Variants in SLC25A21 observed in about 807,000 individuals in gnomAD.
The protein encoded by SLC25A21 is solute carrier family 25 member 21.
In SLC25A21, 47 loss-of-function variants were observed where a neutral mutation model predicts 43.8. The observed-to-expected ratio is 1.07, with a 90% CI of 0.85 to 1.37. The LOEUF (loss-of-function observed/expected upper bound fraction) is 1.37, where lower values mean the gene tolerates loss of function less well. Ranked by LOEUF, SLC25A21 falls within the 40% of genes most tolerant of loss-of-function variation. The pLI is 0.00. For synonymous variants in SLC25A21, 131 were observed against 121.3 expected, an observed-to-expected ratio of 1.08 and a Z score of -0.52; for missense variants, 352 against 350.2, an observed-to-expected ratio of 1.00 and a Z score of -0.04.
intron 3 of SLC25A21, among the ~76,000 whole-genome samples, chr14:36,804,222 T>C (rs1887962610): frequency 6.6e-6 from 1 of 152,186 alleles, no homozygotes; most frequent in Non-Finnish European, 1.5e-5. Flanking sequence ...TGCCATCCCT[T>C]TCCTTCTTCC....
intron 1 of SLC25A21, among the ~76,000 whole-genome samples, chr14:37,132,912 T>C (rs1963415167): frequency 6.6e-6 from 1 of 151,910 alleles, no homozygotes; most frequent in Admixed American, 6.6e-5. Flanking sequence ...TGTATTTTTT[T>C]AGAGATGGGG....
intron 2 of SLC25A21, among the ~76,000 whole-genome samples, chr14:36,814,212 A>AG (rs1888372246): frequency 6.6e-6 from 1 of 152,220 alleles, no homozygotes; most frequent in African/African-American, 2.4e-5. Flanking sequence ...TGAAATCTAT[A>AG]GAAAAAAAAT....
chr14:36,724,459 C>T (rs1048040714), intron 6 of SLC25A21, among the ~76,000 whole-genome samples: 1 of 152,288 alleles, frequency 6.6e-6, no homozygotes, highest in African/African-American at 2.4e-5. Context: ...GGAAACTTTC[C>T]TACAGAAAGA....
intron 1 of SLC25A21, among the ~76,000 whole-genome samples, chr14:36,987,491 TG>T (rs1407949049): frequency 6.6e-6 from 1 of 152,232 alleles, no homozygotes; most frequent in African/African-American, 2.4e-5. Context: ...ATTAACATTT[TG>T]GGGTGTCTAA....
intron 1 of SLC25A21, among the ~76,000 whole-genome samples, chr14:36,897,798 A>G (rs1338003266): frequency 1.3e-5 from 2 of 152,158 alleles, no homozygotes; most frequent in African/African-American, 4.8e-5. Flanking sequence ...CTGGAGGTCC[A>G]CTCCAGACAC....
At chr14:36,861,826 CA>C (rs1365946262) in intron 2 of SLC25A21, among the ~76,000 whole-genome samples, 2 of 152,044 alleles carry the variant, frequency 1.3e-5, no homozygotes, top group Non-Finnish European at 2.9e-5. Context: ...GTATTAGTTC[CA>C]AATTCTCTCT....
chr14:36,806,542 T>C (rs934599673), intron 3 of SLC25A21, among the ~76,000 whole-genome samples: 1 of 152,220 alleles, frequency 6.6e-6, no homozygotes, highest in South Asian at 2.1e-4. Flanking sequence ...GAGTATGATA[T>C]ACTAAAGTTA....
At chr14:36,843,005 A>G (rs1594633986) in intron 2 of SLC25A21, among the ~76,000 whole-genome samples, 1 of 152,260 alleles carries the variant, frequency 6.6e-6, no homozygotes, top group Middle Eastern at 3.4e-3. Flanking sequence ...GCAGCGTGCA[A>G]CCTAGATCCC....
intron 1 of SLC25A21, among the ~76,000 whole-genome samples, chr14:37,143,151 A>G (rs1038847003): frequency 8.5e-5 from 13 of 152,250 alleles, no homozygotes; most frequent in Non-Finnish European, 7.3e-5. Context: ...CTTATAATGG[A>G]AAGTTTTACA....
At chr14:36,943,538 C>G (rs1293619784) in intron 1 of SLC25A21, among the ~76,000 whole-genome samples, 10 of 152,104 alleles carry the variant, frequency 6.6e-5, no homozygotes, top group African/African-American at 2.4e-4. Context: ...GGGTTTATTT[C>G]AGAGCACACA....
chr14:36,775,091 T>C (rs1886775595), intron 3 of SLC25A21, among the ~76,000 whole-genome samples: 1 of 152,230 alleles, frequency 6.6e-6, no homozygotes. Context: ...CTTCATGAGA[T>C]GGTATTCCCT....
intron 1 of SLC25A21, among the ~76,000 whole-genome samples, chr14:37,078,919 G>A (rs757961003): frequency 1.1e-4 from 16 of 151,724 alleles, no homozygotes; most frequent in East Asian, 5.8e-4. Context: ...AACAGACTAT[G>A]GTTTGGGATT....
chr14:36,948,907 T>C (rs963522724), intron 1 of SLC25A21, among the ~76,000 whole-genome samples: 13 of 152,216 alleles, frequency 8.5e-5, no homozygotes, highest in Admixed American at 6.5e-4. Context: ...ATTCAAAAGT[T>C]TGGATTTGTC....
intron 1 of SLC25A21, among the ~76,000 whole-genome samples, chr14:36,895,868 C>A (rs1280132020): frequency 6.6e-6 from 1 of 152,310 alleles, no homozygotes; most frequent in African/African-American, 2.4e-5. Context: ...GTTTCTTAAT[C>A]CTGAGTTCTA....
At chr14:36,725,851 C>G (rs1329554836) in intron 5 of SLC25A21, among the ~76,000 whole-genome samples, 174 bp from the exon 6 acceptor site, 1 of 152,048 alleles carries the variant, frequency 6.6e-6, no homozygotes, top group African/African-American at 2.4e-5. Context: ...GCTGACAATT[C>G]ATGAAGAAGA....
At chr14:36,860,548 A>G (rs1210404466) in intron 2 of SLC25A21, among the ~76,000 whole-genome samples, 1 of 152,036 alleles carries the variant, frequency 6.6e-6, no homozygotes, top group Non-Finnish European at 1.5e-5. Context: ...TGTGTTAATT[A>G]CACTCCCCCT....
In SLC25A21 at chr14:36,760,331, AGAAGGAAGGAAGGAAGGAAGGAAG is replaced by A. The variant is rs57996006; in HGVS notation, c.204-25782_204-25759del. ...GCCATGTTGATTTAGGCAGCTAGGC[AGAAGGAAGGAAGGAAGGAAGGAAG>A]GAAGGAAGGAAGGAAGGAAGGAAGG... On this transcript the variant is annotated intron_variant, in intron 3 of 9. Transcript: ENST00000331299. Among the ~76,000 whole-genome samples the A allele has an allele frequency of 5.3e-4, 72 of 136,754 alleles. 1 individual carries two copies. In the Middle Eastern group the frequency reaches 0.011, roughly 20 times the overall value. 89.7% of individuals were successfully genotyped at this position (136,754 alleles called of 152,430 possible).
intron 3 of SLC25A21, chr14:36,788,553 C>A (rs1887334485): frequency 6.8e-6 from 1 of 146,026 alleles, no homozygotes; most frequent in Non-Finnish European, 1.5e-5. Flanking sequence ...TGTGGAAAAC[C>A]ACAGCAACTG....
chr14:36,756,696 T>C (rs890291175), intron 3 of SLC25A21, among the ~76,000 whole-genome samples: 4 of 152,198 alleles, frequency 2.6e-5, no homozygotes, highest in African/African-American at 9.6e-5. Context: ...ATTGAGGTGT[T>C]AGGACAAATG....
Sources: allele counts gnomAD v4.1 joint callset (sites outside exome capture counted in the v4.1 genomes callset), GRCh38; gene constraint gnomAD v4.1.1; transcripts MANE v1.5; gene names NCBI Gene and HGNC (gene_info 2026-07-23, HGNC 2026-07-21).